NUP153: variants seen among roughly 807,000 people sequenced by gnomAD.
The protein encoded by NUP153 is nuclear pore complex protein Nup153.
Under a neutral mutation model 134.6 loss-of-function variants are expected in NUP153, and 27 were observed. That is an observed-to-expected ratio of 0.20 (90% CI 0.15 to 0.28). The LOEUF (loss-of-function observed/expected upper bound fraction) is 0.28, where lower values mean the gene tolerates loss of function less well. Among genes scored for constraint, NUP153 ranks in the 10% least tolerant of loss-of-function variants. The pLI is 1.00. For missense variants in NUP153, 1,821 were observed against 1,731.3 expected (o/e 1.05, Z -0.92); for synonymous variants, 640 against 623.5 (o/e 1.03, Z -0.40).
intron 17 of NUP153, 133 bp downstream of exon 17, chr6:17,632,517 G>A: frequency 1.6e-6 from 1 of 636,690 alleles, no homozygotes; most frequent in East Asian, 2.9e-5. Flanking sequence ...AACATCTCAG[G>A]ATAATCTCAT....
chr6:17,665,580 A>T (rs1487780265), intron 8 of NUP153, among the ~76,000 whole-genome samples, 195 bp from the exon 9 acceptor site: 1 of 152,234 alleles, frequency 6.6e-6, no homozygotes, highest in African/African-American at 2.4e-5. Context: ...TATGCACATA[A>T]ATATACACAC....
chr6:17,669,228 A>G (rs569380346), intron 7 of NUP153, 65 bp downstream of exon 7: 2 of 1,355,238 alleles, frequency 1.5e-6, no homozygotes, highest in Admixed American at 1.7e-5. Flanking sequence ...ACAGGTGTGC[A>G]CCACCACACC....
At chr6:17,639,802 T>TTTTGTTTGCTTGTATTCCAGCAAAAG (rs1765743644) in intron 15 of NUP153, 137 bp downstream of exon 15, 2 of 691,690 alleles carry the variant, frequency 2.9e-6, no homozygotes, top group Admixed American at 3.3e-5. Context: ...GAATTACACC[T>TTTTGTTTGCTTGTATTCCAGCAAAAG]AACTACATCT....
intron 1 of NUP153, among the ~76,000 whole-genome samples, chr6:17,692,912 G>A (rs955038744): frequency 2.0e-5 from 3 of 152,080 alleles, no homozygotes; most frequent in Non-Finnish European, 2.9e-5. Flanking sequence ...TTCTTGAAAG[G>A]CTTAATCTTC....
intron 2 of NUP153, among the ~76,000 whole-genome samples, chr6:17,677,571 T>C (rs1768295715): frequency 6.6e-6 from 1 of 152,162 alleles, no homozygotes; most frequent in Non-Finnish European, 1.5e-5. Context: ...AGGATCACAC[T>C]GAATTTAAGA....
At chr6:17,700,466 C>G (rs1288462752) in intron 1 of NUP153, among the ~76,000 whole-genome samples, 1 of 152,194 alleles carries the variant, frequency 6.6e-6, no homozygotes, top group Admixed American at 6.5e-5. Flanking sequence ...CCAATCCTAT[C>G]AATGTTTCCA....
chr6:17,689,815 G>A (rs1363780665), intron 1 of NUP153, among the ~76,000 whole-genome samples: 2 of 151,912 alleles, frequency 1.3e-5, no homozygotes, highest in Non-Finnish European at 2.9e-5. Context: ...ATGAGCCACC[G>A]TGCCCAGCTA....
At chr6:17,705,586 G>A (rs1209583257) in intron 1 of NUP153, among the ~76,000 whole-genome samples, 1 of 121,910 alleles carries the variant, frequency 8.2e-6, no homozygotes. Context: ...TGGCGGTGTT[G>A]GGGGGGGGGA....
chr6:17,704,249 G>A (rs936374335), intron 1 of NUP153, among the ~76,000 whole-genome samples: 5 of 149,588 alleles, frequency 3.3e-5, no homozygotes, highest in African/African-American at 1.2e-4. Flanking sequence ...CCAAGATCGC[G>A]CCACTGCACT....
In NUP153 at chr6:17,629,551, TAA is replaced by T. The variant is rs752536662; in HGVS notation, c.2660-14_2660-13del. ...AGATGTGTCAAAGCCTACAAAAATA[TAA>T]AAGACACCACATAGACACTCAATGT... On this transcript the variant is annotated splice_polypyrimidine_tract_variant and intron_variant, in intron 17 of 21. Coordinates refer to ENST00000262077, the MANE Select transcript of NUP153 (RefSeq NM_005124.4). The T allele has an allele frequency of 1.3e-6, 2 of 1,568,876 alleles. No homozygotes were observed. Among genetic ancestry groups the T allele is most frequent in the South Asian group, 1.2e-5 (1 of 82,078 alleles).
At chr6:17,641,112 C>T (rs12199496) in intron 14 of NUP153, among the ~76,000 whole-genome samples, 6,701 of 152,034 alleles carry the variant, frequency 0.044, 303 homozygotes, top group Admixed American at 0.12. Context: ...ATGGTTTTAT[C>T]GTTATATTTT....
intron 20 of NUP153, among the ~76,000 whole-genome samples, chr6:17,618,366 AAAGCAATTTT>A (rs1375327351): frequency 6.6e-6 from 1 of 152,182 alleles, no homozygotes; most frequent in Non-Finnish European, 1.5e-5. Flanking sequence ...AAAAATAATA[AAAGCAATTTT>A]GGGAAAACTG....
chr6:17,661,292 C>T (rs936336969), intron 11 of NUP153, among the ~76,000 whole-genome samples: 2 of 152,016 alleles, frequency 1.3e-5, no homozygotes, highest in East Asian at 3.9e-4. Context: ...CCAGCCTGAG[C>T]GACAGAGCAA....
chr6:17,659,542 G>T (rs1355847837), intron 11 of NUP153, among the ~76,000 whole-genome samples: 1 of 152,084 alleles, frequency 6.6e-6, no homozygotes, highest in Non-Finnish European at 1.5e-5. Flanking sequence ...GTGCAATCTT[G>T]GCTCACTGCA....
chr6:17,657,744 T>C (rs977908940), intron 11 of NUP153, among the ~76,000 whole-genome samples: 1 of 151,982 alleles, frequency 6.6e-6, no homozygotes, highest in Non-Finnish European at 1.5e-5. Context: ...TAAAAACTTG[T>C]CAAAAAAAAT....
In NUP153 at chr6:17,689,987, C is replaced by T. The variant is rs199930339; in HGVS notation, c.112-1369G>A. 1.5e-4 allele frequency among the ~76,000 whole-genome samples: 23 copies of T among 152,194 alleles called. No individual in the cohort carries two copies. The East Asian group carries it at 1.5e-3, about 10-fold the overall frequency. ...TAACTTTATGAACTAATATCCCCAC[C>T]TTATGGATAAGACAAACAATGAAGT... On this transcript the variant is annotated intron_variant, in intron 1 of 21. Coordinates refer to ENST00000262077, the MANE Select transcript of NUP153 (RefSeq NM_005124.4).
At chr6:17,630,364 A>G (rs1765174986) in intron 17 of NUP153, among the ~76,000 whole-genome samples, 1 of 152,228 alleles carries the variant, frequency 6.6e-6, no homozygotes, top group South Asian at 2.1e-4. Context: ...CAATGTTTAT[A>G]AAGTTAAACA....
intron 15 of NUP153, among the ~76,000 whole-genome samples, chr6:17,639,102 G>A (rs1765708073): frequency 6.6e-6 from 1 of 151,116 alleles, no homozygotes; most frequent in South Asian, 2.1e-4. Context: ...TTTAAAGACA[G>A]AGTCTTGCTC....
intron 14 of NUP153, among the ~76,000 whole-genome samples, chr6:17,645,309 T>C (rs920528659): frequency 5.9e-5 from 9 of 152,066 alleles, no homozygotes; most frequent in African/African-American, 2.2e-4. Context: ...CTTTCTTTTT[T>C]TTTGAGATAG....
Sources: gnomAD v4.1 joint callset for allele counts (sites outside exome capture counted in the v4.1 genomes callset) on GRCh38, gnomAD v4.1.1 for gene constraint, MANE v1.5 for transcripts, NCBI Gene and HGNC (gene_info 2026-07-23, HGNC 2026-07-21) for gene names.